The following SEC61A2 variants were observed in gnomAD, a reference collection of about 807,000 sequenced individuals.
The protein encoded by SEC61A2 is SEC61 translocon subunit alpha 2, also known as protein transport protein Sec61 subunit alpha isoform 2.
In SEC61A2, 28 loss-of-function variants were observed where a neutral mutation model predicts 59.9. The observed-to-expected ratio is 0.47, with a 90% CI of 0.35 to 0.64. The LOEUF is 0.64. SEC61A2 is among the 30% of genes least tolerant of loss of function. The pLI is 0.01. For synonymous variants in SEC61A2, 202 were observed against 214.4 expected, an observed-to-expected ratio of 0.94 and a Z score of 0.50; for missense variants, 340 against 585.9, an observed-to-expected ratio of 0.58 and a Z score of 4.33.
rs929537454 is a variant in SEC61A2 at position 12,164,415 on chromosome 10, A to G, written c.1392A>G (p.Glu464=). Residue 464 remains glutamate, a synonymous_variant, in exon 12 of 12, where the codon GAA becomes GAG. Transcript: ENST00000298428. The surrounding 1 kb of genome is among the most constrained non-coding windows in gnomAD (Gnocchi z 7.3). ...IYQYFEIFVK[E]QAEVGGMGAL... ...AGTATTTTGAAATATTTGTTAAAGA[A>G]CAGGCCGAAGTTGGTGGGATGGGTG... is the stretch of plus-strand genomic sequence containing the variant. 29 of 1,613,742 alleles carry G rather than the reference A, an allele frequency of 1.8e-5. 1 individual carries two copies. The Admixed American group carries it at 3.7e-4, about 20-fold the overall frequency.
At chr10:12,168,271 G>A (rs1340430108), downstream of SEC61A2, among the ~76,000 whole-genome samples, 7 of 152,064 alleles carry the variant, frequency 4.6e-5, no homozygotes, top group African/African-American at 9.7e-5. The surrounding 1 kb of genome is among the most constrained non-coding windows in gnomAD (Gnocchi z 4.8). Flanking sequence ...TGATCCACCC[G>A]CCTCAGCCTC....
At chr10:12,146,108 C>A (rs971555920) in intron 4 of SEC61A2, among the ~76,000 whole-genome samples, 1 of 152,134 alleles carries the variant, frequency 6.6e-6, no homozygotes, top group Non-Finnish European at 1.5e-5. Context: ...GCAACCTCCA[C>A]TTCTCAGGTT....
At chr10:12,148,484 A>G (rs1826837866) in intron 4 of SEC61A2, among the ~76,000 whole-genome samples, 1 of 150,720 alleles carries the variant, frequency 6.6e-6, no homozygotes, top group African/African-American at 2.4e-5. Context: ...ACCTTAGGTG[A>G]TCTGCCCGCC....
Position 12,155,910 on chromosome 10 carries a change from A to G in SEC61A2, c.595A>G (p.Thr199Ala), listed in dbSNP as rs754022088. The change falls in exon 7 of 12, where the codon ACT (threonine) becomes GCT (alanine). Residue 199 changes from threonine to alanine, a missense_variant. Thr to Ala is a moderately conservative substitution (Grantham distance 58, BLOSUM62 0). Around this residue, in one of 3 missense-constraint regions of SEC61A2, gnomAD observed 283 missense variants for 483.2 expected, o/e 0.59. Coordinates refer to ENST00000298428, the MANE Select transcript of SEC61A2 (RefSeq NM_018144.4). This position sits in a 1 kb window ranked among gnomAD's most constrained non-coding sequence, Gnocchi z 4.3. ...ETIVWKAFSP[T>A]TINTGRGTEF... is the part of the protein sequence containing the mutation. ...CATTGTCTGGAAGGCCTTTAGTCCCACTACCATTAACACTGGCAGAGGTAC... is the reference window on the plus strand; with the variant it reads ...CATTGTCTGGAAGGCCTTTAGTCCCGCTACCATTAACACTGGCAGAGGTAC... 1.2e-6 allele frequency: 2 copies of G among 1,614,218 alleles called. No homozygotes were observed. The highest frequency in any genetic ancestry group is 1.1e-5 in the South Asian group (1 of 91,088).
Position 12,152,120 on chromosome 10 carries a change from G to T in SEC61A2, c.462+2159G>T, listed in dbSNP as rs374252853. Among the ~76,000 whole-genome samples, 9 of 149,534 alleles carry T rather than the reference G, an allele frequency of 6.0e-5. No homozygotes were observed. The East Asian group carries it at 1.8e-3, about 30-fold the overall frequency. ...TTTTTTCGAGACGGAGTCCTGCTCT[G>T]TCTCCCAGACTAAAGTGCAGTGGTG... On this transcript the variant is annotated intron_variant, in intron 6 of 11. Coordinates refer to ENST00000298428, the MANE Select transcript of SEC61A2 (RefSeq NM_018144.4). The surrounding 1 kb of genome is among the most constrained non-coding windows in gnomAD (Gnocchi z 5.5).
chr10:12,140,405 C>T lies in SEC61A2; in HGVS notation c.142-2712C>T, dbSNP rs141476726. On this transcript the variant is annotated intron_variant, in intron 3 of 11. Transcript: ENST00000298428. ...GAAAATAAGCTCCTATTGTTGCCCA[C>T]CTGTTGTTGTACATGATCCTCTAGC... Among the ~76,000 whole-genome samples the T allele has an allele frequency of 1.1e-3, 172 of 152,186 alleles. 1 individual carries two copies. The highest frequency in any genetic ancestry group is 3.6e-3 in the African/African-American group (148 of 41,506).
chr10:12,147,096 G>T (rs1588637013), intron 4 of SEC61A2, among the ~76,000 whole-genome samples: 1 of 152,014 alleles, frequency 6.6e-6, no homozygotes, highest in East Asian at 1.9e-4. Context: ...TCACTTTGTT[G>T]CCTAGGCTGC....
downstream of SEC61A2, chr10:12,169,472 T>A: frequency 1.7e-6 from 1 of 598,522 alleles, no homozygotes; most frequent in Non-Finnish European, 2.9e-6. This position sits in a 1 kb window ranked among gnomAD's most constrained non-coding sequence, Gnocchi z 4.8. Flanking sequence ...TAGCTAATTA[T>A]GGTCCGCGGA....
At chr10:12,140,170 T>C (rs1377346742) in intron 3 of SEC61A2, among the ~76,000 whole-genome samples, 3 of 152,280 alleles carry the variant, frequency 2.0e-5, no homozygotes, top group Non-Finnish European at 2.9e-5. Context: ...GTGTAGCCAA[T>C]AGGCTGGTTG....
chr10:12,139,410 G>A (rs2131651352), intron 3 of SEC61A2, among the ~76,000 whole-genome samples: 1 of 151,996 alleles, frequency 6.6e-6, no homozygotes, highest in Admixed American at 6.5e-5. Flanking sequence ...AGCACTTTGG[G>A]AGGCTGAGGC....
Position 12,164,847 on chromosome 10 carries a change from C to A in SEC61A2, c.*393C>A. The A allele has an allele frequency of 4.0e-6, 4 of 1,002,458 alleles. 1 individual carries two copies. In the South Asian group the frequency reaches 1.7e-4, roughly 42 times the overall value. The allele number at this position is 1,002,458 out of a possible 1,614,324, so 62.1% of individuals were successfully genotyped here. ...ATTGCCACTTTCCAGTATTTTTGAG[C>A]TTATTTAATGAGTTCTGGAACATTT... On this transcript the variant is annotated 3_prime_UTR_variant, in exon 12 of 12. Transcript: ENST00000298428. This position sits in a 1 kb window ranked among gnomAD's most constrained non-coding sequence, Gnocchi z 7.3.
intron 3 of SEC61A2, among the ~76,000 whole-genome samples, chr10:12,140,622 G>C (rs1246775855): frequency 6.6e-6 from 1 of 152,050 alleles, no homozygotes; most frequent in Non-Finnish European, 1.5e-5. Flanking sequence ...TTGAGATGGA[G>C]TCTCACTCTG....
At chr10:12,130,103 A>G (rs920415998) in intron 1 of SEC61A2, among the ~76,000 whole-genome samples, 7 of 151,896 alleles carry the variant, frequency 4.6e-5, no homozygotes, top group African/African-American at 1.7e-4. Context: ...ACCACTTTTT[A>G]ATTTTTCAGG....
chr10:12,167,089 T>G (rs1834717909), downstream of SEC61A2: 1 of 165,682 alleles, frequency 6.0e-6, no homozygotes, highest in Non-Finnish European at 1.3e-5. Flanking sequence ...AGCCTTGGTG[T>G]AGTGAATGGA....
chr10:12,151,767 T>A (rs1208117004), intron 6 of SEC61A2, among the ~76,000 whole-genome samples: 1 of 152,194 alleles, frequency 6.6e-6, no homozygotes, highest in East Asian at 1.9e-4. Flanking sequence ...TTTTGTTTTT[T>A]ATTTTTGAGA....
rs1249068835 is a variant in SEC61A2, at chr10:12,160,923, T to C, written c.976-7T>C. ...GACCACTTGTTCTTTGTACTCCTGT[T>C]CTGTAGGATGTCAGTGGGGGAGGAC... On this transcript the variant is annotated splice_polypyrimidine_tract_variant and splice_region_variant and intron_variant, in intron 9 of 11. Coordinates refer to ENST00000298428, the MANE Select transcript of SEC61A2 (RefSeq NM_018144.4). This position sits in a 1 kb window ranked among gnomAD's most constrained non-coding sequence, Gnocchi z 4.1. 1 of 1,610,616 alleles carries C rather than the reference T, an allele frequency of 6.2e-7. No individual in the cohort carries two copies. Among genetic ancestry groups the C allele is most frequent in the South Asian group, 1.1e-5 (1 of 90,448 alleles).
At chr10:12,167,738 A>G (rs114955327), downstream of SEC61A2, 8 of 1,614,180 alleles carry the variant, frequency 5.0e-6, no homozygotes, top group African/African-American at 9.3e-5. Flanking sequence ...ATGGCTTTGC[A>G]TTTGCATGTT....
At chr10:12,150,142 G>A (rs191485613) in intron 6 of SEC61A2, among the ~76,000 whole-genome samples, 181 bp downstream of exon 6, 31 of 152,238 alleles carry the variant, frequency 2.0e-4, no homozygotes, top group Middle Eastern at 3.4e-3. Context: ...TCACCGTGAC[G>A]TGTTCAAGTT....
intron 3 of SEC61A2, among the ~76,000 whole-genome samples, chr10:12,139,654 G>A (rs1185133915): frequency 4.0e-5 from 6 of 151,840 alleles, no homozygotes; most frequent in South Asian, 2.1e-4. Context: ...CGTGGTGGCG[G>A]GCGCCTGTAG....
Sources: allele counts gnomAD v4.1 joint callset (sites outside exome capture counted in the v4.1 genomes callset), GRCh38; gene constraint gnomAD v4.1.1; regional missense constraint gnomAD v4.1.1; non-coding constraint Gnocchi (gnomAD v3.1); transcripts MANE v1.5; gene names NCBI Gene and HGNC (gene_info 2026-07-23, HGNC 2026-07-21).